The following RAPGEF6 variants were observed in gnomAD, a reference collection of about 807,000 sequenced individuals.
RAPGEF6 encodes the protein Rap guanine nucleotide exchange factor 6.
A neutral mutation model predicts 171.4 loss-of-function variants in RAPGEF6; 56 were observed. The ratio of observed to expected loss-of-function variants is 0.33; its 90% CI spans 0.26 to 0.41. The LOEUF is 0.41. Ranked by LOEUF, RAPGEF6 falls within the 10% of genes least tolerant of loss-of-function variation. The probability of loss-of-function intolerance (pLI) is 1.00; values close to 1 mark genes in which losing one functional copy is unlikely to be tolerated. For missense variants in RAPGEF6, 1,674 were observed against 1,921.4 expected (o/e 0.87, Z 2.41); for synonymous variants, 692 against 650.1 (o/e 1.06, Z -0.98).
In RAPGEF6 at chr5:131,428,903, A is replaced by G. The variant is rs545026731; in HGVS notation, c.4779T>C (p.Asp1593=). The change falls in exon 27 of 28, where the codon GAT becomes GAC. Residue 1593 remains aspartate (D), a splice_region_variant and synonymous_variant. Transcript: ENST00000509018. ...GDVTDADSEA[D]ENEQVSAV is the part of the protein sequence containing the mutation. ...CTTTAAGAGAGCTTGTCAACATACC[A>G]TCTGCTTCGCTATCTGCATCAGTCA... The G allele has an allele frequency of 1.6e-4, 256 of 1,611,776 alleles. 2 individuals are homozygous for G. In the South Asian group the frequency reaches 2.7e-3, roughly 17 times the overall value.
At chr5:131,574,673 C>T (rs1472541060) in intron 4 of RAPGEF6, among the ~76,000 whole-genome samples, 1 of 152,114 alleles carries the variant, frequency 6.6e-6, no homozygotes, top group Non-Finnish European at 1.5e-5. Context: ...TATTCCTGGA[C>T]TACAGCCACA....
At chr5:131,465,676 G>A (rs1419328507) in intron 17 of RAPGEF6, among the ~76,000 whole-genome samples, 3 of 152,020 alleles carry the variant, frequency 2.0e-5, no homozygotes, top group African/African-American at 4.8e-5. Context: ...CCAGCTACTC[G>A]GGAGGTGGAA....
At chr5:131,615,700 G>A (rs1002170779) in intron 1 of RAPGEF6, among the ~76,000 whole-genome samples, 2 of 152,030 alleles carry the variant, frequency 1.3e-5, no homozygotes, top group South Asian at 2.1e-4. Context: ...AGGAGTTCAC[G>A]ACCAGCCTGG....
At position 131,603,326 on chromosome 5, in the gene RAPGEF6, A is replaced by C. The variant is rs140289609; in HGVS notation, c.142T>G (p.Leu48Val). The change falls in exon 3 of 28, where the codon TTA becomes GTA. Residue 48 changes from leucine to valine, a missense_variant and splice_region_variant. By Grantham distance (32) the Leu-to-Val change is conservative. Transcript: ENST00000509018. Reference protein sequence around the residue: ...LSNLREHQLRLMSARARYERY... With the variant: ...LSNLREHQLRVMSARARYERY... The stretch of plus-strand genomic sequence containing the variant: ...TCATAGCGTGCTCTTGCAGACATTA[A>C]TCTATTAAAAAAAAAAATTGAAGAT... 148 of 1,542,178 alleles carry C rather than the reference A, an allele frequency of 9.6e-5. No individual in the cohort carries two copies. The African/African-American group carries it at 1.9e-3, about 20-fold the overall frequency.
chr5:131,620,645 C>A (rs2150033504), intron 1 of RAPGEF6, among the ~76,000 whole-genome samples: 1 of 151,384 alleles, frequency 6.6e-6, no homozygotes. Context: ...GGCTGGAGTG[C>A]AGTGGCTGAA....
intron 3 of RAPGEF6, among the ~76,000 whole-genome samples, chr5:131,596,079 A>G (rs1339225274): frequency 2.6e-5 from 4 of 151,460 alleles, no homozygotes; most frequent in African/African-American, 9.7e-5. Context: ...GCTTGAACAC[A>G]GGAGGCAGAG....
intron 3 of RAPGEF6, among the ~76,000 whole-genome samples, chr5:131,600,589 G>C: frequency 6.8e-6 from 1 of 146,308 alleles, no homozygotes; most frequent in Non-Finnish European, 1.5e-5. Flanking sequence ...GGAGAGGAGA[G>C]GGGAGGGGAA....
chr5:131,594,648 T>G (rs1254604451), intron 3 of RAPGEF6, among the ~76,000 whole-genome samples: 1 of 152,128 alleles, frequency 6.6e-6, no homozygotes, highest in African/African-American at 2.4e-5. Context: ...CGCCAGCCCA[T>G]GAAGGTAGCC....
intron 5 of RAPGEF6, among the ~76,000 whole-genome samples, chr5:131,548,839 C>A (rs1305776464): frequency 1.3e-5 from 2 of 152,078 alleles, no homozygotes; most frequent in African/African-American, 4.8e-5. Context: ...TCCAGTCTCA[C>A]AACAGTGATA....
At chr5:131,508,838 T>G (rs769030371) in intron 8 of RAPGEF6, among the ~76,000 whole-genome samples, 6 of 152,186 alleles carry the variant, frequency 3.9e-5, no homozygotes, top group Non-Finnish European at 7.3e-5. Context: ...ACATAGGAAT[T>G]AGCTATATTT....
At chr5:131,521,977 T>C (rs1472307663) in intron 6 of RAPGEF6, among the ~76,000 whole-genome samples, 1 of 151,724 alleles carries the variant, frequency 6.6e-6, no homozygotes, top group Non-Finnish European at 1.5e-5. Context: ...AAAACAGCAA[T>C]ATCTTGGAAT....
In RAPGEF6 at chr5:131,570,949, T is replaced by TC. The variant is rs1256432904; in HGVS notation, c.282-8903_282-8902insG. Among the ~76,000 whole-genome samples, 236 of 150,694 alleles carry TC rather than the reference T, an allele frequency of 1.6e-3. 1 individual carries two copies. The highest frequency in any genetic ancestry group is 4.9e-3 in the African/African-American group (202 of 41,058). ...CGTCTTCATCCCCAACTACTTTTTT[T>TC]TTTTTTTTTTTTTGAGAGGGAGTCT... On this transcript the variant is annotated intron_variant, in intron 4 of 27. Transcript: ENST00000509018.
rs1428566081 is a variant in RAPGEF6, at chr5:131,489,668, A to T, written c.1732-14T>A. The T allele has an allele frequency of 3.6e-6, 5 of 1,390,406 alleles. No homozygotes were observed. Among genetic ancestry groups the T allele is most frequent in the Non-Finnish European group, 2.0e-6 (2 of 1,002,864 alleles). 86.1% of individuals were successfully genotyped at this position (1,390,406 alleles called of 1,614,324 possible). On this transcript the variant is annotated splice_polypyrimidine_tract_variant and intron_variant, in intron 14 of 27. Coordinates refer to ENST00000509018, the MANE Select transcript of RAPGEF6 (RefSeq NM_016340.6). ...TACTTCCATAATCTTAAAAGTATTT[A>T]AAAAATACAAATTAATACAGAACAG... is the stretch of plus-strand genomic sequence containing the variant.
At chr5:131,478,800 T>C (rs1755276899) in intron 16 of RAPGEF6, among the ~76,000 whole-genome samples, 3 of 152,208 alleles carry the variant, frequency 2.0e-5, no homozygotes, top group African/African-American at 4.8e-5. Context: ...AGGAGGCAAG[T>C]AAGTATTTTC....
chr5:131,453,013 T>G, intron 21 of RAPGEF6, 41 bp downstream of exon 21: 1 of 1,582,116 alleles, frequency 6.3e-7, no homozygotes, highest in South Asian at 1.2e-5. Context: ...TACATCACCC[T>G]TGATACCACT....
At position 131,487,242 on chromosome 5, in the gene RAPGEF6, T is replaced by C. The variant is rs111493091; in HGVS notation, c.1840+2304A>G. ...CCTTCGCGGCGAGTGTTACAGCTCTTAAAGGTGGTGCAGACCCAAAGAGTG... is the reference window on the plus strand; with the variant it reads ...CCTTCGCGGCGAGTGTTACAGCTCTCAAAGGTGGTGCAGACCCAAAGAGTG... On this transcript the variant is annotated intron_variant, in intron 15 of 27. Transcript: ENST00000509018. 6.5e-3 allele frequency among the ~76,000 whole-genome samples: 983 copies of C among 152,342 alleles called. 6 individuals are homozygous for C. The highest frequency in any genetic ancestry group is 0.022 in the African/African-American group (933 of 41,584).
intron 4 of RAPGEF6, among the ~76,000 whole-genome samples, chr5:131,578,534 G>A (rs978206159): frequency 7.9e-5 from 12 of 151,964 alleles, no homozygotes; most frequent in South Asian, 2.1e-4. Context: ...ACACTACTCC[G>A]CATCTACTTA....
chr5:131,429,576 C>A (rs1170675198), intron 26 of RAPGEF6, among the ~76,000 whole-genome samples: 1 of 152,124 alleles, frequency 6.6e-6, no homozygotes, highest in Admixed American at 6.5e-5. Context: ...TCACCCTACA[C>A]ACCGATTCTC....
intron 3 of RAPGEF6, among the ~76,000 whole-genome samples, chr5:131,594,748 A>G (rs1001163080): frequency 1.3e-5 from 2 of 152,172 alleles, no homozygotes; most frequent in African/African-American, 4.8e-5. Flanking sequence ...TGGATGTGAG[A>G]CATGGAGTCA....
Sources: gnomAD v4.1 joint callset for allele counts (sites outside exome capture counted in the v4.1 genomes callset) on GRCh38, gnomAD v4.1.1 for gene constraint, MANE v1.5 for transcripts, NCBI Gene and HGNC (gene_info 2026-07-23, HGNC 2026-07-21) for gene names.